The following CLCN3 variants were observed in gnomAD, a reference collection of about 807,000 sequenced individuals.
CLCN3 encodes the protein H(+)/Cl(-) exchange transporter 3.
CLCN3 carries 16 observed loss-of-function variants against 83.4 expected under a neutral mutation model. The ratio of observed to expected loss-of-function variants is 0.19; its 90% CI spans 0.13 to 0.29. CLCN3 has a LOEUF of 0.29. CLCN3 is among the 10% of genes least tolerant of loss of function. The probability of loss-of-function intolerance (pLI) is 1.00; values close to 1 mark genes in which losing one functional copy is unlikely to be tolerated. For missense variants in CLCN3, 544 were observed against 1,006.0 expected, an observed-to-expected ratio of 0.54 and a Z score of 6.21; for synonymous variants, 322 against 346.2, an observed-to-expected ratio of 0.93 and a Z score of 0.78.
intron 2 of CLCN3, among the ~76,000 whole-genome samples, chr4:169,674,150 G>T: frequency 6.6e-6 from 1 of 151,980 alleles, no homozygotes; most frequent in South Asian, 2.1e-4. Context: ...TGGAGCACAT[G>T]TTACATCCTG....
intron 3 of CLCN3, among the ~76,000 whole-genome samples, chr4:169,681,195 G>A (rs1731923874): frequency 1.3e-5 from 2 of 152,174 alleles, no homozygotes; most frequent in African/African-American, 4.8e-5. Flanking sequence ...TTATAGGTGT[G>A]TGCCATCATG....
rs570494273 is a variant in CLCN3 at position 169,653,566 on chromosome 4, G to A, written c.160+17478G>A. Among the ~76,000 whole-genome samples, 59 of 150,570 alleles carry A rather than the reference G, an allele frequency of 3.9e-4. No homozygotes were observed. The Middle Eastern group carries it at 0.01, about 27-fold the overall frequency. On this transcript the variant is annotated intron_variant, in intron 2 of 12. Coordinates refer to ENST00000513761, the MANE Select transcript of CLCN3 (RefSeq NM_001829.4). ...TGAGGCAGGAGAATCACTTGAACCC[G>A]GAGGGTGGAGGTTGCAGTGAGCCTA...
intron 11 of CLCN3, among the ~76,000 whole-genome samples, chr4:169,709,082 A>G (rs1348471762): frequency 6.7e-6 from 1 of 148,316 alleles, no homozygotes; most frequent in Non-Finnish European, 1.5e-5. Flanking sequence ...AATTAATTAT[A>G]TAAATATTAA....
chr4:169,656,483 G>A (rs1730888542), intron 2 of CLCN3, among the ~76,000 whole-genome samples: 1 of 152,114 alleles, frequency 6.6e-6, no homozygotes, highest in South Asian at 2.1e-4. Flanking sequence ...TCCACACCAT[G>A]ATCCAGTTAC....
rs1732620648 is a variant in CLCN3, at chr4:169,697,713, A to G, written c.1542A>G (p.Thr514=). ...CACTCATATTTAAAATCATAATGAC[A>G]GTATTCACTTTTGGCATCAAGGTAA... is the stretch of plus-strand genomic sequence containing the variant. ...CLALIFKIIM[T]VFTFGIKVPS... Residue 514 remains threonine, a synonymous_variant, in exon 9 of 13, where the codon ACA becomes ACG. Coordinates refer to ENST00000513761, the MANE Select transcript of CLCN3 (RefSeq NM_001829.4). 4 of 1,609,184 alleles carry G rather than the reference A, an allele frequency of 2.5e-6. No individual in the cohort carries two copies. The highest frequency in any genetic ancestry group is 3.4e-6 in the Non-Finnish European group (4 of 1,177,824).
At chr4:169,711,533 A>G (rs1470024717) in intron 11 of CLCN3, among the ~76,000 whole-genome samples, 1 of 152,104 alleles carries the variant, frequency 6.6e-6, no homozygotes, top group African/African-American at 2.4e-5. Context: ...TATTTTTAGT[A>G]GAGACAGGGT....
chr4:169,700,848 ATT>A (rs1226115775), intron 9 of CLCN3, among the ~76,000 whole-genome samples: 1 of 151,920 alleles, frequency 6.6e-6, no homozygotes, highest in Non-Finnish European at 1.5e-5. Flanking sequence ...TAATACTTTA[ATT>A]TAAAAATACT....
At chr4:169,683,356 A>G (rs1407496281) in intron 3 of CLCN3, among the ~76,000 whole-genome samples, 1 of 152,144 alleles carries the variant, frequency 6.6e-6, no homozygotes, top group Non-Finnish European at 1.5e-5. Context: ...TTAGCTGGGT[A>G]TAGTGTCTTG....
chr4:169,632,716 C>CA (rs559919032), intron 1 of CLCN3, among the ~76,000 whole-genome samples: 16,274 of 32,190 alleles, frequency 0.51, 5,953 homozygotes, highest in East Asian at 0.85. Context: ...GACTCCATCT[C>CA]AAAAAAAAAA....
At chr4:169,689,790 AG>A (rs1415315272) in intron 5 of CLCN3, among the ~76,000 whole-genome samples, 11 of 152,230 alleles carry the variant, frequency 7.2e-5, no homozygotes, top group African/African-American at 2.7e-4. Context: ...TAGAGCTAAA[AG>A]GTATACATTT....
chr4:169,622,096 C>T (rs1581176564), intron 1 of CLCN3, among the ~76,000 whole-genome samples: 2 of 152,202 alleles, frequency 1.3e-5, no homozygotes, highest in South Asian at 2.1e-4. Flanking sequence ...ACCCTTCCCA[C>T]CCCTTACTCC....
chr4:169,692,766 T>TG (rs1432428785), intron 7 of CLCN3, among the ~76,000 whole-genome samples: 58 of 152,228 alleles, frequency 3.8e-4, no homozygotes, highest in Admixed American at 3.7e-3. Context: ...TCCAGTGCTA[T>TG]GGGGAAGTTC....
intron 2 of CLCN3, among the ~76,000 whole-genome samples, chr4:169,637,685 C>A (rs572561240): frequency 6.6e-4 from 101 of 152,128 alleles, no homozygotes; most frequent in African/African-American, 2.3e-3. Context: ...CTCAAGGTCA[C>A]AAAGATATTC....
At position 169,713,122 on chromosome 4, in the gene CLCN3, G is replaced by C; in HGVS notation, c.2193G>C (p.Arg731=). The stretch of plus-strand genomic sequence containing the variant: ...AAGAAGGTATCGTTGGCAGTTCTCG[G>C]GTGTGTTTTGCACAGCACACCCCAT... ...KKQEGIVGSS[R]VCFAQHTPSL... Residue 731 remains arginine (R), a synonymous_variant, in exon 12 of 13, where the codon CGG becomes CGC. Coordinates refer to ENST00000513761, the MANE Select transcript of CLCN3 (RefSeq NM_001829.4). 6.2e-7 allele frequency: 1 copy of C among 1,614,072 alleles called. No individual in the cohort carries two copies. Among genetic ancestry groups the C allele is most frequent in the Non-Finnish European group, 8.5e-7 (1 of 1,180,008 alleles).
chr4:169,710,238 G>A (rs1287364926), intron 11 of CLCN3, among the ~76,000 whole-genome samples: 1 of 151,996 alleles, frequency 6.6e-6, no homozygotes, highest in South Asian at 2.1e-4. Context: ...CCTCTCCTTA[G>A]CAGTTTCCAA....
chr4:169,699,333 A>G (rs1024652926), intron 9 of CLCN3, among the ~76,000 whole-genome samples: 6 of 152,212 alleles, frequency 3.9e-5, no homozygotes, highest in Non-Finnish European at 7.3e-5. Context: ...TTAATGGTCT[A>G]TCAGTAAATA....
intron 1 of CLCN3, among the ~76,000 whole-genome samples, chr4:169,631,539 A>G (rs1773371113): frequency 6.6e-6 from 1 of 151,714 alleles, no homozygotes; most frequent in South Asian, 2.1e-4. Context: ...CCGCCCACCT[A>G]GGCCTCCCAA....
At chr4:169,651,563 T>C (rs543147622) in intron 2 of CLCN3, among the ~76,000 whole-genome samples, 2 of 152,292 alleles carry the variant, frequency 1.3e-5, no homozygotes, top group Non-Finnish European at 2.9e-5. Context: ...CATCCTCTTA[T>C]ATGCTTTAAA....
intron 12 of CLCN3, chr4:169,717,726 C>T: frequency 1.0e-6 from 1 of 1,002,680 alleles, no homozygotes; most frequent in Non-Finnish European, 1.5e-6. Flanking sequence ...CATTCTTTAT[C>T]ATTATGATTG....
Sources: gnomAD v4.1 joint callset for allele counts (sites outside exome capture counted in the v4.1 genomes callset) on GRCh38, gnomAD v4.1.1 for gene constraint, MANE v1.5 for transcripts, NCBI Gene and HGNC (gene_info 2026-07-23, HGNC 2026-07-21) for gene names.